The following ATM variants were observed in gnomAD, a reference collection of about 807,000 sequenced individuals.
The protein encoded by ATM is serine-protein kinase ATM.
ATM carries 308 observed loss-of-function variants against 387.0 expected under a neutral mutation model. That is an observed-to-expected ratio of 0.80 (90% CI 0.73 to 0.87). The LOEUF (loss-of-function observed/expected upper bound fraction) is 0.87, where lower values mean the gene tolerates loss of function less well. Ranked by LOEUF, ATM falls within the 40% of genes least tolerant of loss-of-function variation. The pLI, the probability that ATM is intolerant of heterozygous loss-of-function variation, is 0.00. For synonymous variants in ATM, 1,156 were observed against 1,187.3 expected, an observed-to-expected ratio of 0.97 and a Z score of 0.54; for missense variants, 3,312 against 3,560.9, an observed-to-expected ratio of 0.93 and a Z score of 1.78.
intron 5 of ATM, among the ~76,000 whole-genome samples, chr11:108,238,373 A>G (rs1179998462): frequency 6.6e-6 from 1 of 152,142 alleles, no homozygotes; most frequent in Non-Finnish European, 1.5e-5. Context: ...GCTGGTCTCA[A>G]ACTCCTGGGC....
chr11:108,256,279 G>C lies in ATM; in HGVS notation c.2189G>C (p.Cys730Ser), dbSNP rs587781595. Residue 730 changes from cysteine (C) to serine (S), a missense_variant, in exon 14 of 63, where the codon TGT (cysteine) becomes TCT (serine). Around this residue, in one of 4 missense-constraint regions of ATM, gnomAD observed 1,791 missense variants for 1,804.5 expected, o/e 0.99. Transcript: ENST00000675843. ...TTGGTGGGTGTCCTTGGCTGCTACT[G>C]TTACATGGGTGTAATAGCTGAAGAG... ...RLLVGVLGCY[C>S]YMGVIAEEEA... 6.2e-7 allele frequency: 1 copy of C among 1,611,348 alleles called. No individual in the cohort carries two copies. The highest frequency in any genetic ancestry group is 2.2e-5 in the East Asian group (1 of 44,744).
At chr11:108,336,199 G>T in intron 56 of ATM, 1 of 417,704 alleles carries the variant, frequency 2.4e-6, no homozygotes, top group South Asian at 2.2e-5. Context: ...TAGCTACATG[G>T]GAGGCTGAGG....
intron 32 of ATM, 166 bp from the exon 33 acceptor site, chr11:108,297,119 AGG>A: frequency 1.7e-6 from 1 of 600,388 alleles, no homozygotes; most frequent in South Asian, 2.0e-5. Context: ...TGTTGTATTA[AGG>A]AAGTTCAGAT....
Position 108,339,094 on chromosome 11 carries a change from T to C in ATM, c.8268+3133T>C, listed in dbSNP as rs2087185986. On this transcript the variant is annotated intron_variant, in intron 56 of 62. Coordinates refer to ENST00000675843, the MANE Select transcript of ATM (RefSeq NM_000051.4). Reference sequence around the variant, plus strand: ...ATATCTCTTGTCAGAGAGAATCAGATGGAAATGAAGACAGTTCTTATTGTG... The same window carrying C: ...ATATCTCTTGTCAGAGAGAATCAGACGGAAATGAAGACAGTTCTTATTGTG... 2.0e-5 allele frequency among the ~76,000 whole-genome samples: 3 copies of C among 152,336 alleles called. No individual in the cohort carries two copies. The South Asian group carries it at 6.2e-4, about 32-fold the overall frequency.
rs2083612345 is a variant in ATM at position 108,304,959 on chromosome 11, C to T, written c.5674+107C>T. ...CACTTTACAGGATTAAATCTATAAC[C>T]TCTAAATTTGTTTCTTCATCTATGG... On this transcript the variant is annotated intron_variant, in intron 37 of 62. Coordinates refer to ENST00000675843, the MANE Select transcript of ATM (RefSeq NM_000051.4). 6.8e-6 allele frequency: 9 copies of T among 1,333,044 alleles called. No individual in the cohort carries two copies. The South Asian group carries it at 7.7e-5, about 11-fold the overall frequency. 82.6% of individuals were successfully genotyped at this position (1,333,044 alleles called of 1,614,324 possible).
chr11:108,341,436 T>C (rs1450067834), intron 56 of ATM, among the ~76,000 whole-genome samples: 2 of 152,168 alleles, frequency 1.3e-5, no homozygotes, highest in Non-Finnish European at 2.9e-5. Context: ...CTCACCAGAA[T>C]GAAACTTTAT....
intron 37 of ATM, among the ~76,000 whole-genome samples, chr11:108,306,397 C>A (rs1012830765): frequency 6.6e-6 from 1 of 152,000 alleles, no homozygotes; most frequent in Non-Finnish European, 1.5e-5. Flanking sequence ...TGGGAAAATA[C>A]AGGTATAAGT....
rs2137293810 is a variant in ATM, at chr11:108,353,848, G to A, written c.8754G>A (p.Met2918Ile). 1 of 1,613,898 alleles carries A rather than the reference G, an allele frequency of 6.2e-7. No homozygotes were observed. The highest frequency in any genetic ancestry group is 8.5e-7 in the Non-Finnish European group (1 of 1,179,864). The change falls in exon 60 of 63, where the codon ATG becomes ATA. Residue 2918 changes from methionine (M) to isoleucine (I), a missense_variant. Coordinates refer to ENST00000675843, the MANE Select transcript of ATM (RefSeq NM_000051.4). ...TCACCAGAGATATTGTGGATGGCAT[G>A]GGCATTACGGGTGTTGAAGGTGTCT... ...FRLTRDIVDG[M>I]GITGVEGVFR...
At chr11:108,316,850 T>G (rs1838927867) in intron 42 of ATM, among the ~76,000 whole-genome samples, 1 of 151,022 alleles carries the variant, frequency 6.6e-6, no homozygotes, top group African/African-American at 2.4e-5. Flanking sequence ...GGCGTGAACC[T>G]GGGAGGCAGA....
At chr11:108,251,352 T>C (rs928099375) in intron 10 of ATM, among the ~76,000 whole-genome samples, 1 of 152,226 alleles carries the variant, frequency 6.6e-6, no homozygotes, top group African/African-American at 2.4e-5. Flanking sequence ...TCAAGGTACA[T>C]GTGATAATTT....
chr11:108,315,778 C>T (rs2136114786), intron 40 of ATM, 45 bp from the exon 41 acceptor site: 3 of 1,497,650 alleles, frequency 2.0e-6, no homozygotes, highest in South Asian at 2.3e-5. Flanking sequence ...ATTTATAGAC[C>T]GATTTTTTTT....
chr11:108,265,966 T>A (rs2081210639), intron 16 of ATM, among the ~76,000 whole-genome samples: 1 of 150,496 alleles, frequency 6.6e-6, no homozygotes, highest in Admixed American at 6.6e-5. Context: ...ATGGCAGTCA[T>A]TAAAAAGTCA....
At chr11:108,355,983 A>G (rs1026368750) in intron 61 of ATM, 10 of 152,214 alleles carry the variant, frequency 6.6e-5, no homozygotes, top group African/African-American at 1.9e-4. Flanking sequence ...ATAGGTCCCA[A>G]TAATACGTTG....
rs730881364 is a variant in ATM at position 108,284,226 on chromosome 11, G to A, written c.3747-1G>A. The A allele has an allele frequency of 1.9e-6, 3 of 1,602,054 alleles. No individual in the cohort carries two copies. Among genetic ancestry groups the A allele is most frequent in the Non-Finnish European group, 2.6e-6 (3 of 1,171,732 alleles). On this transcript the variant is annotated splice_acceptor_variant, in intron 25 of 62. Transcript: ENST00000675843. LOFTEE classifies it high-confidence loss of function. ...TGTATTTTAAATTTTTCTATTTTTA[G>A]ATCTTGTTATAAGGTTTTGATTCCA...
chr11:108,265,589 T>C lies in ATM; in HGVS notation c.2467-1582T>C, dbSNP rs1359890424. Among the ~76,000 whole-genome samples the C allele has an allele frequency of 2.3e-3, 344 of 150,184 alleles. 2 individuals are homozygous for C. Among genetic ancestry groups the C allele is most frequent in the African/African-American group, 7.3e-3 (300 of 40,966 alleles). ...TAGGCATGGGCAAGGACTTCATGTCTAAAACACCAAAAGCAATGGCAACAA... is the reference window on the plus strand; with the variant it reads ...TAGGCATGGGCAAGGACTTCATGTCCAAAACACCAAAAGCAATGGCAACAA... On this transcript the variant is annotated intron_variant, in intron 16 of 62. Coordinates refer to ENST00000675843, the MANE Select transcript of ATM (RefSeq NM_000051.4).
At chr11:108,279,351 T>A (rs1263458547) in intron 22 of ATM, 140 bp from the exon 23 acceptor site, 1 of 682,322 alleles carries the variant, frequency 1.5e-6, no homozygotes, top group Non-Finnish European at 2.6e-6. Flanking sequence ...CAGGTTTTGT[T>A]AGTCTTTAAG....
intron 61 of ATM, among the ~76,000 whole-genome samples, chr11:108,359,614 A>G (rs1378298286): frequency 6.6e-6 from 1 of 152,236 alleles, no homozygotes; most frequent in African/African-American, 2.4e-5. Flanking sequence ...CCACAGTGAC[A>G]TCAAACTAGA....
intron 25 of ATM, among the ~76,000 whole-genome samples, chr11:108,283,668 A>G (rs983860307): frequency 6.6e-6 from 1 of 152,216 alleles, no homozygotes; most frequent in Admixed American, 6.5e-5. Flanking sequence ...ATCTCTGTAT[A>G]TGCGAGGGAT....
intron 7 of ATM, 85 bp downstream of exon 7, chr11:108,245,111 GAT>G: frequency 9.3e-7 from 1 of 1,076,380 alleles, no homozygotes; most frequent in Non-Finnish European, 1.4e-6. Context: ...TCTTTAGGAG[GAT>G]ATGACTTTCC....
Sources: allele counts gnomAD v4.1 joint callset (sites outside exome capture counted in the v4.1 genomes callset), GRCh38; gene constraint gnomAD v4.1.1; regional missense constraint gnomAD v4.1.1; transcripts MANE v1.5; gene names NCBI Gene and HGNC (gene_info 2026-07-23, HGNC 2026-07-21).